The following RUNDC3B variants were observed in gnomAD, a reference collection of about 807,000 sequenced individuals.
RUNDC3B encodes RUN domain-containing protein 3B.
RUNDC3B carries 33 observed loss-of-function variants against 58.4 expected under a neutral mutation model. That is an observed-to-expected ratio of 0.56 (90% CI 0.43 to 0.75). RUNDC3B has a LOEUF of 0.75. Among genes scored for constraint, RUNDC3B ranks in the 30% least tolerant of loss-of-function variants. The pLI, the probability that RUNDC3B is intolerant of heterozygous loss-of-function variation, is 0.00. For missense variants in RUNDC3B, 501 were observed against 535.7 expected (o/e 0.94, Z 0.64); for synonymous variants, 193 against 195.2 (o/e 0.99, Z 0.10).
chr7:87,734,730 G>T (rs748395266), intron 4 of RUNDC3B, among the ~76,000 whole-genome samples: 20 of 152,024 alleles, frequency 1.3e-4, no homozygotes, highest in Admixed American at 2.6e-4. Flanking sequence ...ATTTTTAAAA[G>T]AATACCAATA....
At chr7:87,817,057 G>A (rs1837084268) in intron 10 of RUNDC3B, among the ~76,000 whole-genome samples, 1 of 152,096 alleles carries the variant, frequency 6.6e-6, no homozygotes, top group South Asian at 2.1e-4. Flanking sequence ...AGAGCTAGGG[G>A]AAGAAAGATA....
Position 87,701,189 on chromosome 7 carries a change from G to A in RUNDC3B, c.372+635G>A, listed in dbSNP as rs142818209. ...TGAGCTGAACTAGATACTTTTTAAT[G>A]TAATATGATTTTACTGAAAAGAAAA... On this transcript the variant is annotated intron_variant, in intron 3 of 10. Coordinates refer to ENST00000394654, the MANE Select transcript of RUNDC3B (RefSeq NM_001134405.2). Among the ~76,000 whole-genome samples the A allele has an allele frequency of 3.6e-3, 543 of 152,260 alleles. 6 individuals are homozygous for A. Among genetic ancestry groups the A allele is most frequent in the African/African-American group, 0.012 (517 of 41,544 alleles).
At chr7:87,779,354 T>C (rs999573369) in intron 8 of RUNDC3B, among the ~76,000 whole-genome samples, 6 of 152,304 alleles carry the variant, frequency 3.9e-5, no homozygotes, top group African/African-American at 1.4e-4. Context: ...TAAAGAAAAC[T>C]AGCTAGAATT....
rs760399750 is a variant in RUNDC3B, at chr7:87,807,506, A to T, written c.1090A>T (p.Lys364Ter). The T allele has an allele frequency of 6.2e-7, 1 of 1,613,064 alleles. No individual in the cohort carries two copies. The highest frequency in any genetic ancestry group is 1.3e-5 in the African/African-American group (1 of 75,016). ...TACGTTGCTTTACCGAAAACACAAT[A>T]AACAGTGGTATGAGTAAGTGTAATA... ...LDTLLYRKHN[K>*]QWYEKSYQSL... is the part of the protein sequence containing the mutation. The change falls in exon 9 of 11, where the codon AAA (lysine) becomes TAA (stop). Residue 364 changes from lysine to a stop codon, truncating the protein, a stop_gained. Coordinates refer to ENST00000394654, the MANE Select transcript of RUNDC3B (RefSeq NM_001134405.2). LOFTEE classifies it high-confidence loss of function.
intron 4 of RUNDC3B, among the ~76,000 whole-genome samples, chr7:87,728,905 AG>A (rs1395303288): frequency 6.6e-6 from 1 of 152,036 alleles, no homozygotes; most frequent in African/African-American, 2.4e-5. Flanking sequence ...CTCTTTCTTC[AG>A]GGACTCTAAT....
At chr7:87,757,240 C>A (rs536962356) in intron 6 of RUNDC3B, among the ~76,000 whole-genome samples, 1 of 151,976 alleles carries the variant, frequency 6.6e-6, no homozygotes, top group Non-Finnish European at 1.5e-5. Context: ...TGTACCTTAC[C>A]TCCTATATAC....
intron 2 of RUNDC3B, among the ~76,000 whole-genome samples, chr7:87,664,785 G>A (rs1825063898): frequency 6.6e-6 from 1 of 152,034 alleles, no homozygotes; most frequent in Admixed American, 6.6e-5. Context: ...AAGGAGAGGA[G>A]GAAGAGATTA....
At chr7:87,635,272 T>C (rs1015479717) in intron 1 of RUNDC3B, among the ~76,000 whole-genome samples, 2 of 152,194 alleles carry the variant, frequency 1.3e-5, no homozygotes, top group Admixed American at 1.3e-4. Context: ...CAGTTGTATA[T>C]TGGAAAGATT....
chr7:87,684,651 G>C (rs2130609459), intron 2 of RUNDC3B, among the ~76,000 whole-genome samples: 1 of 150,366 alleles, frequency 6.7e-6, no homozygotes, highest in South Asian at 2.1e-4. Context: ...AGGAGGCTGA[G>C]GCAGGAGGAT....
chr7:87,649,626 A>G (rs1465711113), intron 1 of RUNDC3B, among the ~76,000 whole-genome samples: 2 of 152,194 alleles, frequency 1.3e-5, no homozygotes, highest in African/African-American at 4.8e-5. Context: ...CTGATAAGGA[A>G]AAATATAGTA....
At chr7:87,639,497 A>G (rs1024273175) in intron 1 of RUNDC3B, among the ~76,000 whole-genome samples, 2 of 152,062 alleles carry the variant, frequency 1.3e-5, no homozygotes, top group Non-Finnish European at 2.9e-5. Flanking sequence ...GTTAAAGTCT[A>G]CCTCTATGAC....
At chr7:87,791,575 A>G (rs1387711046) in intron 8 of RUNDC3B, among the ~76,000 whole-genome samples, 1 of 152,134 alleles carries the variant, frequency 6.6e-6, no homozygotes, top group Non-Finnish European at 1.5e-5. Flanking sequence ...GCAGGGGGAT[A>G]AAGTTAAAGT....
At chr7:87,753,124 G>T (rs1385959860) in intron 6 of RUNDC3B, among the ~76,000 whole-genome samples, 1 of 151,568 alleles carries the variant, frequency 6.6e-6, no homozygotes, top group Non-Finnish European at 1.5e-5. Context: ...CCTTCATTTC[G>T]TTATGTACCC....
At chr7:87,807,548 AT>A (rs778260600) in intron 9 of RUNDC3B, 29 bp downstream of exon 9, 2 of 1,555,910 alleles carry the variant, frequency 1.3e-6, no homozygotes, top group South Asian at 2.2e-5. Context: ...TTTCCAACTA[AT>A]TAATAGTTAG....
chr7:87,647,314 C>G (rs1260274338), intron 1 of RUNDC3B, among the ~76,000 whole-genome samples: 1 of 152,024 alleles, frequency 6.6e-6, no homozygotes, highest in Non-Finnish European at 1.5e-5. Flanking sequence ...TTGTTATTGT[C>G]ATTTTCTTTG....
intron 3 of RUNDC3B, among the ~76,000 whole-genome samples, chr7:87,705,710 G>A (rs1372174963): frequency 6.6e-6 from 1 of 152,054 alleles, no homozygotes; most frequent in African/African-American, 2.4e-5. Context: ...TATCTCAGCA[G>A]GCACTGACTT....
At chr7:87,693,983 C>T (rs773393220) in intron 2 of RUNDC3B, 75 of 1,610,748 alleles carry the variant, frequency 4.7e-5, no homozygotes, top group Non-Finnish European at 5.4e-5. Context: ...TGATGTCTCC[C>T]GCCACTGAGC....
intron 2 of RUNDC3B, among the ~76,000 whole-genome samples, chr7:87,680,061 G>A (rs1008454084): frequency 6.7e-6 from 1 of 150,224 alleles, no homozygotes; most frequent in African/African-American, 2.5e-5. Flanking sequence ...AGTATATGAC[G>A]TTCCCCACCC....
At chr7:87,656,345 A>G (rs1254181250) in intron 2 of RUNDC3B, among the ~76,000 whole-genome samples, 1 of 152,144 alleles carries the variant, frequency 6.6e-6, no homozygotes, top group African/African-American at 2.4e-5. Context: ...TAACCAGTGA[A>G]GCTAGACAAT....
Sources: gnomAD v4.1 joint callset for allele counts (sites outside exome capture counted in the v4.1 genomes callset) on GRCh38, gnomAD v4.1.1 for gene constraint, MANE v1.5 for transcripts, NCBI Gene and HGNC (gene_info 2026-07-23, HGNC 2026-07-21) for gene names.